Variants in MYO3B observed in about 807,000 individuals in gnomAD.
MYO3B encodes myosin-IIIb.
In MYO3B, 156 loss-of-function variants were observed where a neutral mutation model predicts 174.6. The ratio of observed to expected loss-of-function variants is 0.89; its 90% CI spans 0.78 to 1.02. The LOEUF is 1.02. MYO3B is among the 50% of genes least tolerant of loss of function. The probability of loss-of-function intolerance (pLI) is 0.00; values close to 1 mark genes in which losing one functional copy is unlikely to be tolerated. For synonymous variants in MYO3B, 563 were observed against 569.1 expected (o/e 0.99, Z 0.15); for missense variants, 1,632 against 1,639.4 (o/e 1.00, Z 0.08).
intron 32 of MYO3B, among the ~76,000 whole-genome samples, chr2:170,613,363 T>G (rs1382803249): frequency 6.6e-6 from 1 of 152,232 alleles, no homozygotes; most frequent in East Asian, 1.9e-4. Context: ...AAGTCTATGT[T>G]GAACTCTGAC....
At chr2:170,541,825 C>T (rs975960902) in intron 30 of MYO3B, among the ~76,000 whole-genome samples, 2 of 152,056 alleles carry the variant, frequency 1.3e-5, no homozygotes, top group Non-Finnish European at 2.9e-5. Context: ...ATATGATAAG[C>T]AAATATACAC....
chr2:170,214,061 T>G (rs1020779047), intron 3 of MYO3B, among the ~76,000 whole-genome samples: 1 of 152,232 alleles, frequency 6.6e-6, no homozygotes, highest in South Asian at 2.1e-4. Context: ...GCTTTTTCTT[T>G]CCAAAAATAT....
intron 32 of MYO3B, among the ~76,000 whole-genome samples, chr2:170,633,979 A>G (rs1004431079): frequency 6.6e-6 from 1 of 152,236 alleles, no homozygotes; most frequent in Non-Finnish European, 1.5e-5. Flanking sequence ...ACACAAACAA[A>G]TGGAAGAACA....
intron 23 of MYO3B, among the ~76,000 whole-genome samples, chr2:170,449,292 T>C (rs1032088691): frequency 2.0e-5 from 3 of 152,220 alleles, no homozygotes; most frequent in African/African-American, 7.2e-5. Flanking sequence ...GTTTCTCCAG[T>C]TGTGCCCTGT....
chr2:170,379,064 AT>A (rs2094315269), intron 9 of MYO3B, among the ~76,000 whole-genome samples: 1 of 152,192 alleles, frequency 6.6e-6, no homozygotes, highest in Non-Finnish European at 1.5e-5. Flanking sequence ...ATCTGAGGTA[AT>A]TTTTTAATTA....
chr2:170,606,235 C>G (rs961963994), intron 32 of MYO3B, among the ~76,000 whole-genome samples: 2 of 152,176 alleles, frequency 1.3e-5, no homozygotes, highest in African/African-American at 4.8e-5. Flanking sequence ...AACTGCCTCC[C>G]TGGCCATCAA....
At chr2:170,250,490 T>C (rs527933701) in intron 7 of MYO3B, among the ~76,000 whole-genome samples, 15 of 152,310 alleles carry the variant, frequency 9.8e-5, no homozygotes, top group Admixed American at 8.5e-4. Context: ...TTGCTGCTGC[T>C]GCTCAAACCC....
intron 18 of MYO3B, 84 bp from the exon 19 acceptor site, chr2:170,402,764 A>G: frequency 7.5e-7 from 1 of 1,333,602 alleles, no homozygotes; most frequent in Non-Finnish European, 9.9e-7. Context: ...ACTTGAGCTG[A>G]TAAGCACTTG....
At chr2:170,218,881 A>G (rs953730801) in intron 6 of MYO3B, among the ~76,000 whole-genome samples, 4 of 152,216 alleles carry the variant, frequency 2.6e-5, no homozygotes, top group African/African-American at 7.2e-5. Flanking sequence ...TTTGAGAAGC[A>G]CTGCAGGATA....
At chr2:170,565,642 A>G (rs1323351058) in intron 32 of MYO3B, among the ~76,000 whole-genome samples, 1 of 152,230 alleles carries the variant, frequency 6.6e-6, no homozygotes, top group Non-Finnish European at 1.5e-5. Context: ...CTGTCTGTCT[A>G]GAACAGTGGG....
chr2:170,319,974 G>A (rs2093803765), intron 7 of MYO3B, among the ~76,000 whole-genome samples: 1 of 152,136 alleles, frequency 6.6e-6, no homozygotes, highest in South Asian at 2.1e-4. Context: ...CAGATAAACA[G>A]AGGTTGAGAG....
chr2:170,629,052 C>T (rs111525688), intron 32 of MYO3B, among the ~76,000 whole-genome samples: 1 of 152,172 alleles, frequency 6.6e-6, no homozygotes, highest in South Asian at 2.1e-4. Context: ...TTCATCCATA[C>T]CCACAGTGTT....
intron 32 of MYO3B, among the ~76,000 whole-genome samples, chr2:170,628,897 ACT>A (rs1239251402): frequency 6.6e-6 from 1 of 152,018 alleles, no homozygotes; most frequent in East Asian, 1.9e-4. Flanking sequence ...GAACCCTATA[ACT>A]CTGATCAGGT....
chr2:170,230,860 G>T (rs1418626099), intron 6 of MYO3B, among the ~76,000 whole-genome samples: 1 of 152,152 alleles, frequency 6.6e-6, no homozygotes, highest in Non-Finnish European at 1.5e-5. Context: ...GGGGTTGCTT[G>T]GTTTGCTTGC....
chr2:170,273,983 G>C (rs1347798809), intron 7 of MYO3B, among the ~76,000 whole-genome samples: 1 of 152,126 alleles, frequency 6.6e-6, no homozygotes, highest in Non-Finnish European at 1.5e-5. Context: ...CTGAGACATA[G>C]AGAGTCATTT....
intron 8 of MYO3B, among the ~76,000 whole-genome samples, chr2:170,359,236 G>A (rs1176042461): frequency 6.6e-6 from 1 of 152,066 alleles, no homozygotes; most frequent in East Asian, 1.9e-4. Context: ...TTAGCTACAG[G>A]CCCATCTATT....
At chr2:170,399,473 CAAAAA>C (rs11296778) in intron 16 of MYO3B, among the ~76,000 whole-genome samples, 3 of 123,642 alleles carry the variant, frequency 2.4e-5, no homozygotes, top group African/African-American at 3.5e-5. Flanking sequence ...GACTCTATCT[CAAAAA>C]AAAAAAAAAA....
chr2:170,333,832 ATAT>A (rs2093928540), intron 7 of MYO3B: 1 of 152,176 alleles, frequency 6.6e-6, no homozygotes, highest in South Asian at 2.1e-4. Flanking sequence ...TGCTTCTAGT[ATAT>A]CACTTACCAT....
At chr2:170,499,137 G>A (rs1038487039) in intron 26 of MYO3B, among the ~76,000 whole-genome samples, 3 of 152,138 alleles carry the variant, frequency 2.0e-5, no homozygotes, top group Non-Finnish European at 4.4e-5. Context: ...AGAACGTCAC[G>A]TCCCCATAGG....
Sources: gnomAD v4.1 joint callset for allele counts (sites outside exome capture counted in the v4.1 genomes callset) on GRCh38, gnomAD v4.1.1 for gene constraint, MANE v1.5 for transcripts, NCBI Gene and HGNC (gene_info 2026-07-23, HGNC 2026-07-21) for gene names.